The following FTCDNL1 variants were observed in gnomAD, a reference collection of about 807,000 sequenced individuals.
The protein encoded by FTCDNL1 is formiminotransferase cyclodeaminase N-terminal like.
In FTCDNL1, 11 loss-of-function variants were observed where a neutral mutation model predicts 5.9. The ratio of observed to expected loss-of-function variants is 1.87; its 90% confidence interval spans 1.18 to 3.10. FTCDNL1 has a LOEUF of 3.10. Ranked by LOEUF, FTCDNL1 falls within the 30% of genes most tolerant of loss-of-function variation. The pLI is 0.00. For missense variants in FTCDNL1, 115 were observed against 65.5 expected (o/e 1.76, Z -2.61); for synonymous variants, 58 against 24.8 (o/e 2.34, Z -3.99).
chr2:199,794,191 A>G (rs1343128489), intron 3 of FTCDNL1, among the ~76,000 whole-genome samples: 1 of 152,246 alleles, frequency 6.6e-6, no homozygotes, highest in African/African-American at 2.4e-5. Flanking sequence ...GGAAAATTTA[A>G]GAGCCAGAAA....
the FTCDNL1 span, among the ~76,000 whole-genome samples, chr2:199,725,159 TC>T: frequency 6.6e-6 from 1 of 152,208 alleles, no homozygotes; most frequent in Non-Finnish European, 1.5e-5. Context: ...TCTTTTTTGA[TC>T]TTTGTCGGTT....
chr2:199,720,736 C>T, the FTCDNL1 span, among the ~76,000 whole-genome samples: 1 of 152,070 alleles, frequency 6.6e-6, no homozygotes, highest in Non-Finnish European at 1.5e-5. Context: ...TTAATTACAT[C>T]TGCAAAGACC....
the FTCDNL1 span, among the ~76,000 whole-genome samples, chr2:199,753,866 C>G: frequency 6.6e-6 from 1 of 152,114 alleles, no homozygotes; most frequent in African/African-American, 2.4e-5. Context: ...GGATACAAAA[C>G]CAGGGAGAAG....
chr2:199,681,135 T>A, the FTCDNL1 span, among the ~76,000 whole-genome samples: 1 of 152,174 alleles, frequency 6.6e-6, no homozygotes, highest in East Asian at 1.9e-4. Flanking sequence ...AAGGATGGCA[T>A]GGTGTGGGAA....
the FTCDNL1 span, among the ~76,000 whole-genome samples, chr2:199,725,850 A>C: frequency 6.6e-6 from 1 of 152,060 alleles, no homozygotes; most frequent in Non-Finnish European, 1.5e-5. Context: ...GGAAAATCTG[A>C]TGATTATGTG....
chr2:199,786,900 CTGGGCTCCATTCCTCTA>C (rs1457455121), intron 3 of FTCDNL1, among the ~76,000 whole-genome samples: 1 of 152,170 alleles, frequency 6.6e-6, no homozygotes, highest in African/African-American at 2.4e-5. Flanking sequence ...AAGGTGTCAC[CTGGGCTCCATTCCTCTA>C]TGGTTCTAGG....
the FTCDNL1 span, among the ~76,000 whole-genome samples, chr2:199,701,299 T>TAAAAAAA: frequency 4.1e-5 from 3 of 72,354 alleles, no homozygotes; most frequent in African/African-American, 1.3e-4. Flanking sequence ...CTTGAAAGTT[T>TAAAAAAA]AAAAAAAAAA....
the FTCDNL1 span, among the ~76,000 whole-genome samples, chr2:199,729,957 C>T: frequency 3.3e-5 from 5 of 152,142 alleles, no homozygotes; most frequent in African/African-American, 1.2e-4. Flanking sequence ...AACTATACTA[C>T]CAGGCTACAG....
chr2:199,794,380 C>T (rs11691006), intron 3 of FTCDNL1, among the ~76,000 whole-genome samples: 1,900 of 152,226 alleles, frequency 0.012, 20 homozygotes, highest in Non-Finnish European at 0.02. Flanking sequence ...ATGGATTATG[C>T]GGATCAGTGG....
the FTCDNL1 span, among the ~76,000 whole-genome samples, chr2:199,740,482 G>A: frequency 6.6e-6 from 1 of 152,178 alleles, no homozygotes. Context: ...GGAGCTGCCC[G>A]GAGGAGTGGA....
chr2:199,697,898 A>G, the FTCDNL1 span, among the ~76,000 whole-genome samples: 1 of 152,206 alleles, frequency 6.6e-6, no homozygotes, highest in Admixed American at 6.5e-5. Flanking sequence ...CTCACATTCA[A>G]TGACACCCAA....
the FTCDNL1 span, among the ~76,000 whole-genome samples, chr2:199,717,628 A>T: frequency 6.7e-6 from 1 of 150,284 alleles, no homozygotes; most frequent in East Asian, 2.0e-4. Flanking sequence ...TCTTCATAAA[A>T]GCCCCTCTCC....
the FTCDNL1 span, among the ~76,000 whole-genome samples, chr2:199,682,057 T>C: frequency 1.3e-5 from 2 of 152,184 alleles, no homozygotes; most frequent in Non-Finnish European, 2.9e-5. Context: ...ATTTTATGTG[T>C]CAATTTTGCT....
chr2:199,844,587 A>G, intron 3 of FTCDNL1: 1 of 449,572 alleles, frequency 2.2e-6, no homozygotes, highest in Non-Finnish European at 4.0e-6. Flanking sequence ...GCATCTAAAG[A>G]AAAAGCTATG....
intron 3 of FTCDNL1, chr2:199,760,889 C>G: frequency 1.4e-6 from 1 of 701,928 alleles, no homozygotes; most frequent in Non-Finnish European, 2.6e-6. Context: ...GTGGTTGAGG[C>G]CTTACCCCTC....
intron 3 of FTCDNL1, among the ~76,000 whole-genome samples, chr2:199,783,078 T>C (rs1197642974): frequency 6.6e-6 from 1 of 152,238 alleles, no homozygotes; most frequent in Non-Finnish European, 1.5e-5. Context: ...ATGATGATAA[T>C]GGTGCCTGCT....
At chr2:199,786,327 T>TAC (rs1699648348) in intron 3 of FTCDNL1, among the ~76,000 whole-genome samples, 1 of 148,614 alleles carries the variant, frequency 6.7e-6, no homozygotes, top group Non-Finnish European at 1.5e-5. Flanking sequence ...TAGCCCTGTT[T>TAC]ATATATATAT....
chr2:199,828,916 G>A (rs1252477259), intron 3 of FTCDNL1, among the ~76,000 whole-genome samples: 4 of 152,190 alleles, frequency 2.6e-5, no homozygotes, highest in Non-Finnish European at 5.9e-5. Flanking sequence ...ACACCAGTGA[G>A]AACATATTGT....
chr2:199,716,033 T>TAAAAAAA, the FTCDNL1 span, among the ~76,000 whole-genome samples: 4 of 108,964 alleles, frequency 3.7e-5, no homozygotes, highest in African/African-American at 1.5e-4. Context: ...TGCCTCTAGT[T>TAAAAAAA]AAAAAAAAAA....
Sources: gnomAD v4.1 joint callset for allele counts (sites outside exome capture counted in the v4.1 genomes callset) on GRCh38, gnomAD v4.1.1 for gene constraint, MANE v1.5 for transcripts, NCBI Gene and HGNC (gene_info 2026-07-23, HGNC 2026-07-21) for gene names.